The following ABCD2 variants were observed in gnomAD, a reference collection of about 807,000 sequenced individuals.
ABCD2 encodes the protein ATP-binding cassette sub-family D member 2.
A neutral mutation model predicts 70.9 loss-of-function variants in ABCD2; 36 were observed. The observed-to-expected ratio is 0.51, with a 90% confidence interval of 0.39 to 0.67. The LOEUF (loss-of-function observed/expected upper bound fraction) is 0.67. Among genes scored for constraint, ABCD2 ranks in the 30% least tolerant of loss-of-function variants. The pLI, the probability that ABCD2 is intolerant of heterozygous loss-of-function variation, is 0.00. For synonymous variants in ABCD2, 304 were observed against 306.9 expected, an observed-to-expected ratio of 0.99 and a Z score of 0.10; for missense variants, 729 against 890.2, an observed-to-expected ratio of 0.82 and a Z score of 2.30.
At chr12:39,589,844 A>AT (rs1177888126) in intron 6 of ABCD2, among the ~76,000 whole-genome samples, 10 of 152,192 alleles carry the variant, frequency 6.6e-5, no homozygotes, top group East Asian at 3.8e-4. Context: ...TTAAAGTTCA[A>AT]TTTTTTGTCA....
intron 8 of ABCD2, among the ~76,000 whole-genome samples, chr12:39,579,048 C>G (rs1056252775): frequency 3.3e-5 from 5 of 152,056 alleles, no homozygotes; most frequent in Non-Finnish European, 7.4e-5. Context: ...AAAACAAATA[C>G]TTGGAGATTC....
At chr12:39,543,153 T>G in the ABCD2 span, among the ~76,000 whole-genome samples, 1 of 152,158 alleles carries the variant, frequency 6.6e-6, no homozygotes, top group East Asian at 1.9e-4. Context: ...AGTCAAAATA[T>G]CAATAAAGAT....
At chr12:39,562,818 C>A (rs1261440414) in intron 9 of ABCD2, among the ~76,000 whole-genome samples, 1 of 152,002 alleles carries the variant, frequency 6.6e-6, no homozygotes, top group African/African-American at 2.4e-5. Flanking sequence ...ACAAGGCCAG[C>A]ATTACCCTGA....
At chr12:39,579,748 A>G in intron 7 of ABCD2, 129 bp from the exon 8 acceptor site, 1 of 648,718 alleles carries the variant, frequency 1.5e-6, no homozygotes, top group Non-Finnish European at 2.5e-6. Flanking sequence ...TATAGGATAT[A>G]TGCTTGGATA....
intron 6 of ABCD2, among the ~76,000 whole-genome samples, chr12:39,597,531 C>T (rs1328114078): frequency 6.6e-6 from 1 of 152,150 alleles, no homozygotes; most frequent in Admixed American, 6.5e-5. Flanking sequence ...AGAAGAAATT[C>T]AGGATCTATG....
intron 9 of ABCD2, among the ~76,000 whole-genome samples, chr12:39,565,423 C>T (rs984092897): frequency 2.6e-5 from 4 of 152,084 alleles, no homozygotes; most frequent in African/African-American, 9.7e-5. Flanking sequence ...TGATTTGGCT[C>T]TCTGTTTGTC....
intron 3 of ABCD2, among the ~76,000 whole-genome samples, chr12:39,606,230 G>A (rs1941967474): frequency 6.6e-6 from 1 of 152,072 alleles, no homozygotes; most frequent in East Asian, 1.9e-4. Flanking sequence ...AACTAAGAAT[G>A]TGCCGGTAGA....
chr12:39,607,555 A>G, intron 3 of ABCD2, 44 bp downstream of exon 3: 7 of 1,475,780 alleles, frequency 4.7e-6, no homozygotes, highest in Non-Finnish European at 6.5e-6. Context: ...CTTGATTTTC[A>G]TAAATTTTAT....
chr12:39,617,127 T>C lies in ABCD2; in HGVS notation c.981A>G (p.Ala327=). The change falls in exon 2 of 10, where the codon GCA becomes GCG. Residue 327 remains alanine (A), a synonymous_variant. Coordinates refer to ENST00000308666, the MANE Select transcript of ABCD2 (RefSeq NM_005164.4). ...KQLQKSYKAL[A]DQMNLILSKR... is the part of the protein sequence containing the mutation. Reference sequence around the variant, plus strand: ...TGGATAAAATGAGGTTCATCTGATCTGCTAAAGCTTTGTAACTTTTCTGAA... The same window carrying C: ...TGGATAAAATGAGGTTCATCTGATCCGCTAAAGCTTTGTAACTTTTCTGAA... The C allele has an allele frequency of 6.2e-7, 1 of 1,605,086 alleles. No individual in the cohort carries two copies. The highest frequency in any genetic ancestry group is 1.3e-5 in the African/African-American group (1 of 74,668).
chr12:39,586,114 T>G, intron 7 of ABCD2, 38 bp downstream of exon 7: 1 of 1,556,872 alleles, frequency 6.4e-7, no homozygotes, highest in Non-Finnish European at 8.7e-7. Context: ...TTTTTAAAAG[T>G]GAAGTTAAAT....
chr12:39,615,456 G>C (rs1942103173), intron 2 of ABCD2, among the ~76,000 whole-genome samples: 1 of 151,558 alleles, frequency 6.6e-6, no homozygotes, highest in South Asian at 2.1e-4. Context: ...CATTATGAAA[G>C]GATTATGTCT....
chr12:39,559,282 C>T (rs184741100), intron 9 of ABCD2, among the ~76,000 whole-genome samples: 1 of 145,596 alleles, frequency 6.9e-6, no homozygotes, highest in Non-Finnish European at 1.5e-5. Flanking sequence ...TGAGGCAGGG[C>T]AGGAGAATTG....
chr12:39,585,912 T>C (rs1941658282), intron 7 of ABCD2, among the ~76,000 whole-genome samples: 1 of 152,124 alleles, frequency 6.6e-6, no homozygotes, highest in African/African-American at 2.4e-5. Flanking sequence ...AAAAAACTGT[T>C]TTTAAATGTT....
chr12:39,612,005 A>T (rs561550852), intron 2 of ABCD2, among the ~76,000 whole-genome samples: 1 of 152,316 alleles, frequency 6.6e-6, no homozygotes, highest in South Asian at 2.1e-4. Context: ...TAACCTCAAT[A>T]GTCATTAGAG....
intron 2 of ABCD2, among the ~76,000 whole-genome samples, chr12:39,614,508 C>A (rs1019057955): frequency 6.6e-6 from 1 of 151,902 alleles, no homozygotes; most frequent in African/African-American, 2.4e-5. Context: ...CTCTACTTCA[C>A]ATTTTCCCCT....
intron 8 of ABCD2, among the ~76,000 whole-genome samples, chr12:39,578,214 C>T (rs1363757806): frequency 6.6e-6 from 1 of 152,216 alleles, no homozygotes; most frequent in Non-Finnish European, 1.5e-5. Context: ...GTGGCTTACG[C>T]CTGTAATCCC....
At chr12:39,560,387 C>T (rs201275576) in intron 9 of ABCD2, among the ~76,000 whole-genome samples, 1 of 152,146 alleles carries the variant, frequency 6.6e-6, no homozygotes, top group Non-Finnish European at 1.5e-5. Context: ...ATATGTGCCA[C>T]ATTTTCTTAA....
chr12:39,548,683 T>G (rs563414055), downstream of ABCD2, among the ~76,000 whole-genome samples: 1 of 151,638 alleles, frequency 6.6e-6, no homozygotes, highest in Admixed American at 6.6e-5. Flanking sequence ...ATATATTTAA[T>G]ATATACAAAT....
downstream of ABCD2, among the ~76,000 whole-genome samples, chr12:39,545,725 T>G (rs920395891): frequency 6.6e-6 from 1 of 152,200 alleles, no homozygotes; most frequent in Non-Finnish European, 1.5e-5. Context: ...ATTGAGTTTT[T>G]TTTATACAAA....
Sources: allele counts gnomAD v4.1 joint callset (sites outside exome capture counted in the v4.1 genomes callset), GRCh38; gene constraint gnomAD v4.1.1; transcripts MANE v1.5; gene names NCBI Gene and HGNC (gene_info 2026-07-23, HGNC 2026-07-21).